Variants in KIF16B observed in about 807,000 individuals in gnomAD.
KIF16B encodes kinesin family member 16B.
A neutral mutation model predicts 156.3 loss-of-function variants in KIF16B; 98 were observed. The ratio of observed to expected loss-of-function variants is 0.63; its 90% confidence interval spans 0.53 to 0.74. The LOEUF is 0.74. KIF16B is among the 30% of genes least tolerant of loss of function. KIF16B has a pLI of 0.00. For synonymous variants in KIF16B, 564 were observed against 583.7 expected (o/e 0.97, Z 0.49); for missense variants, 1,421 against 1,606.5 (o/e 0.88, Z 1.97).
intron 22 of KIF16B, chr20:16,368,249 C>T: frequency 1.0e-6 from 1 of 1,002,962 alleles, no homozygotes; most frequent in Non-Finnish European, 1.2e-6. Context: ...AGGCGAAAAA[C>T]TGAGCTTGGC....
chr20:16,366,667 G>T (rs566612134), intron 22 of KIF16B, among the ~76,000 whole-genome samples: 1 of 152,288 alleles, frequency 6.6e-6, no homozygotes. Context: ...TAGGAAGCTT[G>T]ATGCATCACT....
chr20:16,380,481 C>A (rs1179438022), intron 18 of KIF16B, among the ~76,000 whole-genome samples: 1 of 152,106 alleles, frequency 6.6e-6, no homozygotes, highest in African/African-American at 2.4e-5. Context: ...AAGAACCATG[C>A]CCAATTTAAA....
intron 1 of KIF16B, among the ~76,000 whole-genome samples, chr20:16,546,411 G>A (rs1271010037): frequency 1.3e-5 from 2 of 152,150 alleles, no homozygotes; most frequent in African/African-American, 4.8e-5. Flanking sequence ...CATTTATTCA[G>A]TTAATGTTTA....
In KIF16B at chr20:16,301,776, A is replaced by G. The variant is rs536539951; in HGVS notation, c.3795+10559T>C. Among the ~76,000 whole-genome samples the G allele has an allele frequency of 4.6e-5, 7 of 152,092 alleles. No individual in the cohort carries two copies. The South Asian group carries it at 1.5e-3, about 32-fold the overall frequency. On this transcript the variant is annotated intron_variant, in intron 25 of 25. Transcript: ENST00000354981. Reference sequence around the variant, plus strand: ...GCAACTCTCCTGCCTCAGCCTCCCAAGTAGCTGGGATTACAGGCATGCACC... The same window carrying G: ...GCAACTCTCCTGCCTCAGCCTCCCAGGTAGCTGGGATTACAGGCATGCACC...
intron 12 of KIF16B, among the ~76,000 whole-genome samples, chr20:16,468,195 C>A (rs1016112186): frequency 5.9e-5 from 9 of 152,168 alleles, no homozygotes; most frequent in African/African-American, 2.2e-4. Context: ...TACCATGCTA[C>A]TCTAATCAAA....
intron 17 of KIF16B, among the ~76,000 whole-genome samples, chr20:16,386,978 T>C (rs2065244840): frequency 6.6e-6 from 1 of 152,098 alleles, no homozygotes; most frequent in East Asian, 1.9e-4. Flanking sequence ...GCAGTTAGTC[T>C]GAGAAAGGCA....
chr20:16,547,892 G>A (rs880800), intron 1 of KIF16B, among the ~76,000 whole-genome samples: 20,262 of 152,136 alleles, frequency 0.13, 1,657 homozygotes, highest in South Asian at 0.19. Flanking sequence ...CAGCTCTGCT[G>A]CTCACAGGAA....
At chr20:16,308,041 A>T (rs2063566503) in intron 25 of KIF16B, among the ~76,000 whole-genome samples, 1 of 152,188 alleles carries the variant, frequency 6.6e-6, no homozygotes, top group African/African-American at 2.4e-5. Flanking sequence ...CACATAAAAT[A>T]TCCTTTTTTA....
rs1306898207 is a variant in KIF16B, at chr20:16,487,183, C to T, written c.1302+7108G>A. On this transcript the variant is annotated intron_variant, in intron 12 of 25. Coordinates refer to ENST00000354981, the MANE Select transcript of KIF16B (RefSeq NM_024704.5). ...CAGGAGAATGGCATGAATCCGGAGG[C>T]GGAGCTTGCAGTGAGCCAAGATCGC... Among the ~76,000 whole-genome samples, 7 of 151,834 alleles carry T rather than the reference C, an allele frequency of 4.6e-5. No homozygotes were observed. The East Asian group carries it at 5.8e-4, about 13-fold the overall frequency.
chr20:16,383,300 T>C (rs1354506212), intron 17 of KIF16B, among the ~76,000 whole-genome samples: 1 of 152,212 alleles, frequency 6.6e-6, no homozygotes, highest in African/African-American at 2.4e-5. Flanking sequence ...GTTGAACACC[T>C]TCTCCAAGGT....
chr20:16,299,297 GGA>G (rs2063438110), intron 25 of KIF16B, among the ~76,000 whole-genome samples: 1 of 152,096 alleles, frequency 6.6e-6, no homozygotes, highest in Non-Finnish European at 1.5e-5. Context: ...GTGGGGTGAT[GGA>G]GAGGGTACAT....
At chr20:16,569,093 A>C (rs1156778532) in intron 1 of KIF16B, among the ~76,000 whole-genome samples, 1 of 152,156 alleles carries the variant, frequency 6.6e-6, no homozygotes, top group East Asian at 1.9e-4. Flanking sequence ...GTGAGTACAC[A>C]GCAAGAACCT....
Position 16,539,516 on chromosome 20 carries a change from C to G in KIF16B, c.48-11076G>C, listed in dbSNP as rs1045855659. Among the ~76,000 whole-genome samples the G allele has an allele frequency of 3.3e-5, 5 of 152,142 alleles. No homozygotes were observed. In the East Asian group the frequency reaches 7.7e-4, roughly 24 times the overall value. On this transcript the variant is annotated intron_variant, in intron 1 of 25. Coordinates refer to ENST00000354981, the MANE Select transcript of KIF16B (RefSeq NM_024704.5). ...AAAATTTCTAAGCAGTGAGTAACTTCTCGTGAGATCTGGCTGTTCAAAAGT... is the reference window on the plus strand; with the variant it reads ...AAAATTTCTAAGCAGTGAGTAACTTGTCGTGAGATCTGGCTGTTCAAAAGT...
chr20:16,394,740 G>A (rs1203777661), intron 17 of KIF16B, among the ~76,000 whole-genome samples: 1 of 152,112 alleles, frequency 6.6e-6, no homozygotes, highest in Non-Finnish European at 1.5e-5. Context: ...AAAAAAAAAG[G>A]ATAAGACAAA....
intron 23 of KIF16B, among the ~76,000 whole-genome samples, chr20:16,351,731 C>T (rs6131814): frequency 3.9e-5 from 6 of 152,258 alleles, no homozygotes; most frequent in East Asian, 1.9e-4. Context: ...TACTAGGACC[C>T]GCAGGAAGGT....
chr20:16,320,892 A>G (rs929908724), intron 24 of KIF16B, among the ~76,000 whole-genome samples: 1 of 152,222 alleles, frequency 6.6e-6, no homozygotes. Flanking sequence ...AATTTAAAAA[A>G]TAATCTTAGA....
chr20:16,368,002 A>G (rs2064719558), intron 22 of KIF16B: 2 of 1,425,460 alleles, frequency 1.4e-6, no homozygotes, highest in African/African-American at 1.4e-5. Flanking sequence ...CAAAGCATAT[A>G]AAGTTGACTG....
rs183480585 is a variant in KIF16B, at chr20:16,562,534, C to T, written c.47+10695G>A. On this transcript the variant is annotated intron_variant, in intron 1 of 25. Transcript: ENST00000354981. ...CGTGACTACGGATCCCAATCCCTCA[C>T]GAGCAACCACAGAAAGTAAGAGGCA... Among the ~76,000 whole-genome samples the T allele has an allele frequency of 3.9e-5, 6 of 152,228 alleles. No homozygotes were observed. The East Asian group carries it at 5.8e-4, about 15-fold the overall frequency.
intron 1 of KIF16B, among the ~76,000 whole-genome samples, chr20:16,541,450 G>A (rs940287205): frequency 6.6e-6 from 1 of 152,214 alleles, no homozygotes; most frequent in African/African-American, 2.4e-5. Flanking sequence ...CTGCCAGTAC[G>A]GAAGTACGGA....
Sources: allele counts gnomAD v4.1 joint callset (sites outside exome capture counted in the v4.1 genomes callset), GRCh38; gene constraint gnomAD v4.1.1; transcripts MANE v1.5; gene names NCBI Gene and HGNC (gene_info 2026-07-23, HGNC 2026-07-21).